Variants in BMAL1 observed in about 807,000 individuals in gnomAD.
The protein encoded by BMAL1 is basic helix-loop-helix ARNT-like protein 1.
chr11:13,348,468 A>G, the BMAL1 span, among the ~76,000 whole-genome samples: 4 of 152,082 alleles, frequency 2.6e-5, no homozygotes, highest in South Asian at 8.3e-4. Context: ...AGGCAGTGAC[A>G]AGGATCTGGA....
At chr11:13,345,298 C>G in the BMAL1 span, among the ~76,000 whole-genome samples, 1 of 152,206 alleles carries the variant, frequency 6.6e-6, no homozygotes, top group African/African-American at 2.4e-5. Flanking sequence ...CATAGTATTA[C>G]TTAGGTCCCA....
At chr11:13,360,215 G>T in the BMAL1 span, 371 of 723,916 alleles carry the variant, frequency 5.1e-4, 6 homozygotes, top group South Asian at 6.2e-3. Flanking sequence ...CTCAGTTAAG[G>T]CCTAAACAAT....
At chr11:13,356,435 T>A in the BMAL1 span, 1 of 573,482 alleles carries the variant, frequency 1.7e-6, no homozygotes, top group African/African-American at 1.9e-5. Context: ...TAAGCATTTT[T>A]ATAAACACTA....
At chr11:13,358,657 T>A in the BMAL1 span, 1 of 1,427,188 alleles carries the variant, frequency 7.0e-7, no homozygotes, top group Non-Finnish European at 9.2e-7. Flanking sequence ...TTGCCTAGAA[T>A]GTTCCTATCC....
chr11:13,286,922 G>C, the BMAL1 span, among the ~76,000 whole-genome samples: 3 of 152,160 alleles, frequency 2.0e-5, no homozygotes, highest in Admixed American at 2.0e-4. Flanking sequence ...AAGAGTGTGG[G>C]ATCAAAAACA....
chr11:13,310,258 G>T, the BMAL1 span, among the ~76,000 whole-genome samples: 2 of 152,304 alleles, frequency 1.3e-5, no homozygotes, highest in African/African-American at 4.8e-5. Flanking sequence ...TGCAGAGAGG[G>T]AGGCCAGAGG....
At chr11:13,363,392 G>A in the BMAL1 span, among the ~76,000 whole-genome samples, 1 of 151,900 alleles carries the variant, frequency 6.6e-6, no homozygotes, top group Non-Finnish European at 1.5e-5. Context: ...TGTTTATGCA[G>A]CACTCAAGAG....
the BMAL1 span, chr11:13,385,615 C>T: frequency 3.7e-6 from 4 of 1,083,420 alleles, no homozygotes; most frequent in Admixed American, 7.7e-5. Flanking sequence ...CCACCCCACC[C>T]CATGCTTCAT....
At chr11:13,386,634 G>A in the BMAL1 span, 6 of 1,613,934 alleles carry the variant, frequency 3.7e-6, no homozygotes, top group Middle Eastern at 3.3e-4. Context: ...GATTGACAAC[G>A]ACCAAGGATC....
chr11:13,385,592 T>C, the BMAL1 span: 1 of 808,964 alleles, frequency 1.2e-6, no homozygotes, highest in Non-Finnish European at 2.0e-6. Flanking sequence ...CTGAAGCCAT[T>C]TGAAGCTTCT....
the BMAL1 span, among the ~76,000 whole-genome samples, chr11:13,308,575 A>G: frequency 6.6e-6 from 1 of 152,192 alleles, no homozygotes; most frequent in Non-Finnish European, 1.5e-5. Flanking sequence ...GCTAGAGGGC[A>G]TGATTAACTG....
chr11:13,325,943 A>G, the BMAL1 span, among the ~76,000 whole-genome samples: 1 of 151,860 alleles, frequency 6.6e-6, no homozygotes, highest in Non-Finnish European at 1.5e-5. Context: ...GGTGGCTCAC[A>G]TCTGTAATCC....
the BMAL1 span, among the ~76,000 whole-genome samples, chr11:13,306,828 C>G: frequency 6.6e-6 from 1 of 152,240 alleles, no homozygotes. Context: ...CGAGTTGATG[C>G]TGCCAGCGGT....
chr11:13,385,805 T>C, the BMAL1 span: 3 of 1,588,672 alleles, frequency 1.9e-6, no homozygotes, highest in African/African-American at 2.7e-5. Flanking sequence ...AGTGGCATCA[T>C]TATTCGTTTC....
At chr11:13,286,364 G>C in the BMAL1 span, among the ~76,000 whole-genome samples, 1 of 152,222 alleles carries the variant, frequency 6.6e-6, no homozygotes, top group East Asian at 1.9e-4. Context: ...AGACAGTAGT[G>C]CAGAGAGTGG....
chr11:13,335,148 T>G, the BMAL1 span, among the ~76,000 whole-genome samples: 12 of 152,168 alleles, frequency 7.9e-5, no homozygotes, highest in African/African-American at 2.7e-4. Context: ...TGAAAGGTAA[T>G]ATCTTTATCT....
At chr11:13,324,949 A>G in the BMAL1 span, among the ~76,000 whole-genome samples, 2 of 152,220 alleles carry the variant, frequency 1.3e-5, no homozygotes, top group Non-Finnish European at 2.9e-5. Context: ...GGGAGGCAGC[A>G]GAATTACTTT....
the BMAL1 span, among the ~76,000 whole-genome samples, chr11:13,335,204 G>A: frequency 6.6e-6 from 1 of 152,162 alleles, no homozygotes; most frequent in East Asian, 1.9e-4. Context: ...ATTGACAGGA[G>A]GATTAGATGA....
At chr11:13,358,654 G>C in the BMAL1 span, 2 of 1,430,850 alleles carry the variant, frequency 1.4e-6, no homozygotes, top group Non-Finnish European at 1.8e-6. Context: ...CCCTTGCCTA[G>C]AATGTTCCTA....
Sources: gnomAD v4.1 joint callset for allele counts (sites outside exome capture counted in the v4.1 genomes callset) on GRCh38, gnomAD v4.1.1 for gene constraint, MANE v1.5 for transcripts, NCBI Gene and HGNC (gene_info 2026-07-23, HGNC 2026-07-21) for gene names.